Variants in NMT2 observed in about 807,000 individuals in gnomAD.
NMT2 encodes the protein glycylpeptide N-tetradecanoyltransferase 2.
NMT2 carries 35 observed loss-of-function variants against 65.4 expected under a neutral mutation model. The ratio of observed to expected loss-of-function variants is 0.54; its 90% confidence interval spans 0.41 to 0.71. The LOEUF (loss-of-function observed/expected upper bound fraction) is 0.71. Ranked by LOEUF, NMT2 falls within the 30% of genes least tolerant of loss-of-function variation. NMT2 has a pLI of 0.00. For missense variants in NMT2, 489 were observed against 611.3 expected (o/e 0.80, Z 2.11); for synonymous variants, 226 against 231.8 (o/e 0.98, Z 0.23).
Position 15,135,262 on chromosome 10 carries a change from A to G in NMT2, c.391+12T>C. ...TTTGTGGGGAAAAAAAGAGAAAAGC[A>G]GAAAAACTTACCTAGTTTTGGTACC... On this transcript the variant is annotated intron_variant, in intron 3 of 11. Transcript: ENST00000378165. 6.2e-7 allele frequency: 1 copy of G among 1,613,740 alleles called. No homozygotes were observed. Among genetic ancestry groups the G allele is most frequent in the Non-Finnish European group, 8.5e-7 (1 of 1,179,956 alleles).
intron 1 of NMT2, among the ~76,000 whole-genome samples, chr10:15,153,751 A>G (rs894899307): frequency 3.3e-5 from 5 of 151,692 alleles, no homozygotes; most frequent in Non-Finnish European, 7.4e-5. Flanking sequence ...CCAGGTTCAC[A>G]CCATTCTCCT....
intron 1 of NMT2, 127 bp downstream of exon 1, chr10:15,168,376 C>A: frequency 1.4e-6 from 1 of 710,336 alleles, no homozygotes; most frequent in East Asian, 3.2e-5. Context: ...CTCCGCGCCA[C>A]GGAGAAGCCA....
chr10:15,111,229 G>A (rs1220279854), intron 10 of NMT2, among the ~76,000 whole-genome samples: 1 of 152,110 alleles, frequency 6.6e-6, no homozygotes, highest in African/African-American at 2.4e-5. Context: ...ATAGTATGCA[G>A]GCCGGGCGTG....
intron 1 of NMT2, among the ~76,000 whole-genome samples, chr10:15,150,662 T>A (rs560040073): frequency 2.0e-5 from 3 of 152,212 alleles, no homozygotes; most frequent in East Asian, 3.9e-4. Context: ...CCCAAAAGTG[T>A]ATGGCCAGTG....
Position 15,106,673 on chromosome 10 carries a change from C to A in NMT2, c.*2522G>T, listed in dbSNP as rs183279393. 9.1e-6 allele frequency: 9 copies of A among 984,904 alleles called. No individual in the cohort carries two copies. The highest frequency in any genetic ancestry group is 3.5e-5 in the African/African-American group (2 of 57,280). The allele number at this position is 984,904 out of a possible 1,614,324, so 61.0% of individuals were successfully genotyped here. On this transcript the variant is annotated 3_prime_UTR_variant, in exon 12 of 12. Coordinates refer to ENST00000378165, the MANE Select transcript of NMT2 (RefSeq NM_004808.3). ...ATAGAAAGGAGAGTTCCAACTCCTT[C>A]GTAGTGACCAAGGTCAACAAACTTT...
chr10:15,156,900 A>C (rs1264856318), intron 1 of NMT2, among the ~76,000 whole-genome samples: 1 of 148,500 alleles, frequency 6.7e-6, no homozygotes, highest in Non-Finnish European at 1.5e-5. Context: ...TGTCTCAACA[A>C]AAAAAAAAAA....
chr10:15,139,721 TC>T (rs1349977925), intron 2 of NMT2: 1 of 151,670 alleles, frequency 6.6e-6, no homozygotes, highest in Non-Finnish European at 1.5e-5. Context: ...CAAGTAATTT[TC>T]CTTCTCAGTG....
chr10:15,111,275 C>T (rs1845504886), intron 10 of NMT2, among the ~76,000 whole-genome samples: 1 of 151,802 alleles, frequency 6.6e-6, no homozygotes, highest in African/African-American at 2.4e-5. Flanking sequence ...CTTTGGGAGG[C>T]CGCAGCAGGT....
chr10:15,164,054 C>T (rs1415554706), intron 1 of NMT2, among the ~76,000 whole-genome samples: 2 of 151,804 alleles, frequency 1.3e-5, no homozygotes, highest in Non-Finnish European at 2.9e-5. Flanking sequence ...GTGGCGGGCG[C>T]CTACTGTAGT....
intron 8 of NMT2, among the ~76,000 whole-genome samples, chr10:15,122,293 C>G (rs1413306878): frequency 2.0e-5 from 3 of 152,142 alleles, no homozygotes; most frequent in Non-Finnish European, 4.4e-5. Context: ...CCTTCTAGAG[C>G]AAAACATTCT....
intron 8 of NMT2, among the ~76,000 whole-genome samples, chr10:15,119,835 C>T (rs1438229545): frequency 6.6e-6 from 1 of 152,164 alleles, no homozygotes; most frequent in Non-Finnish European, 1.5e-5. Context: ...TCAAAGGGAA[C>T]AGTACAAGTT....
chr10:15,126,072 A>G (rs1163179547), intron 8 of NMT2, among the ~76,000 whole-genome samples: 1 of 152,050 alleles, frequency 6.6e-6, no homozygotes, highest in Non-Finnish European at 1.5e-5. Flanking sequence ...TGGGGTTCAC[A>G]GCTGGTGTGA....
intron 10 of NMT2, among the ~76,000 whole-genome samples, chr10:15,112,096 G>A (rs1264171653): frequency 7.2e-6 from 1 of 138,208 alleles, no homozygotes; most frequent in East Asian, 2.2e-4. Flanking sequence ...TAAAAAAATT[G>A]CTGCTAGTTA....
intron 1 of NMT2, among the ~76,000 whole-genome samples, chr10:15,165,654 T>A (rs1833352605): frequency 1.3e-5 from 2 of 152,138 alleles, no homozygotes; most frequent in South Asian, 4.2e-4. Context: ...GAGGCAAGCA[T>A]ATCACCTAAG....
intron 1 of NMT2, among the ~76,000 whole-genome samples, chr10:15,147,584 T>C (rs935301673): frequency 2.6e-5 from 4 of 151,888 alleles, no homozygotes; most frequent in Non-Finnish European, 5.9e-5. Flanking sequence ...TGAGAAAAAC[T>C]GAATTCCTAT....
At chr10:15,114,190 T>C (rs1387137256) in intron 9 of NMT2, among the ~76,000 whole-genome samples, 1 of 152,220 alleles carries the variant, frequency 6.6e-6, no homozygotes, top group African/African-American at 2.4e-5. Context: ...ATAAGGATTT[T>C]AGATTCTTCT....
At chr10:15,114,818 C>T (rs1167174487) in intron 9 of NMT2, among the ~76,000 whole-genome samples, 3 of 152,106 alleles carry the variant, frequency 2.0e-5, no homozygotes, top group Non-Finnish European at 2.9e-5. Flanking sequence ...GCCTGGCCAA[C>T]GTGGTGAAAC....
chr10:15,137,303 A>C (rs913333146), intron 2 of NMT2, among the ~76,000 whole-genome samples: 1 of 152,080 alleles, frequency 6.6e-6, no homozygotes, highest in African/African-American at 2.4e-5. Context: ...CTCTGCTTGG[A>C]AGTCTCACAG....
intron 1 of NMT2, 68 bp downstream of exon 1, chr10:15,168,435 G>T (rs1395263249): frequency 8.2e-7 from 1 of 1,213,844 alleles, no homozygotes; most frequent in Admixed American, 1.8e-5. Flanking sequence ...AGCCACCCCC[G>T]AACGGGAGAC....
Sources: allele counts gnomAD v4.1 joint callset (sites outside exome capture counted in the v4.1 genomes callset), GRCh38; gene constraint gnomAD v4.1.1; transcripts MANE v1.5; gene names NCBI Gene and HGNC (gene_info 2026-07-23, HGNC 2026-07-21).